Variants in ATP13A1 observed in about 807,000 individuals in gnomAD.
ATP13A1 encodes ATPase 13A1.
A neutral mutation model predicts 134.8 loss-of-function variants in ATP13A1; 55 were observed. The ratio of observed to expected loss-of-function variants is 0.41; its 90% CI spans 0.33 to 0.51. ATP13A1 has a LOEUF of 0.51. ATP13A1 is among the 20% of genes least tolerant of loss of function. ATP13A1 has a pLI of 0.29. For synonymous variants in ATP13A1, 775 were observed against 725.1 expected, an observed-to-expected ratio of 1.07 and a Z score of -1.10; for missense variants, 1,389 against 1,652.8, an observed-to-expected ratio of 0.84 and a Z score of 2.77.
chr19:19,649,491 GGTCT>G lies in ATP13A1; in HGVS notation c.2632+72_2632+75del, dbSNP rs1050887663. The G allele has an allele frequency of 4.7e-5, 69 of 1,478,206 alleles. No individual in the cohort carries two copies. In the African/African-American group the frequency reaches 6.0e-4, roughly 13 times the overall value. 91.6% of individuals were successfully genotyped at this position (1,478,206 alleles called of 1,614,324 possible). ...CCCCCGTGGCTGTCACCAAGGGCCA[GGTCT>G]GTCTTTCTAGCTCAGTGACATGTCC... On this transcript the variant is annotated intron_variant, in intron 19 of 25. Coordinates refer to ENST00000357324, the MANE Select transcript of ATP13A1 (RefSeq NM_020410.3).
Position 19,653,994 on chromosome 19 carries a change from C to A in ATP13A1, c.1964G>T (p.Gly655Val). Reference protein sequence around the residue: ...TDLCYIAAVKGAPETLHSMFS... With the variant: ...TDLCYIAAVKVAPETLHSMFS... ...CATGGAGTGCAGAGTTTCGGGGGCC[C>A]CCTTCACGGCCGCGATGTAGCAGAG... is the stretch of plus-strand genomic sequence containing the variant. Residue 655 changes from glycine to valine, a missense_variant, in exon 14 of 26, where the codon GGG becomes GTG. Physicochemically the swap from Gly to Val is moderately radical, Grantham distance 109. Around this residue, in one of 4 missense-constraint regions of ATP13A1, gnomAD observed 747 missense variants for 956.1 expected, o/e 0.78. Transcript: ENST00000357324. The surrounding 1 kb of genome is among the most constrained non-coding windows in gnomAD (Gnocchi z 4.2). 3 of 1,597,942 alleles carry A rather than the reference C, an allele frequency of 1.9e-6. No homozygotes were observed. Among genetic ancestry groups the A allele is most frequent in the East Asian group, 2.3e-5 (1 of 44,164 alleles).
chr19:19,645,590 G>T lies in ATP13A1; in HGVS notation c.3504+57C>A. Reference sequence around the variant, plus strand: ...ACCTGCAGCCCAGCTCAGGGTCACTGCCATAGGAGGGACCCATCAAGCTGA... The same window carrying T: ...ACCTGCAGCCCAGCTCAGGGTCACTTCCATAGGAGGGACCCATCAAGCTGA... On this transcript the variant is annotated intron_variant, in intron 25 of 25. Coordinates refer to ENST00000357324, the MANE Select transcript of ATP13A1 (RefSeq NM_020410.3). This position sits in a 1 kb window ranked among gnomAD's most constrained non-coding sequence, Gnocchi z 4.1. 2 of 1,561,144 alleles carry T rather than the reference G, an allele frequency of 1.3e-6. No individual in the cohort carries two copies. Among genetic ancestry groups the T allele is most frequent in the East Asian group, 4.8e-5 (2 of 41,668 alleles).
At position 19,656,334 on chromosome 19, in the gene ATP13A1, T is replaced by TCACCCC. The variant is rs2062058035; in HGVS notation, c.1084-157_1084-152dup. ...CCACCCAGCTCCCAGATCCTCACCC[T>TCACCCC]CACCCCGTCCTGTCTTCTCCCCATT... On this transcript the variant is annotated intron_variant, in intron 7 of 25. Transcript: ENST00000357324. This position sits in a 1 kb window ranked among gnomAD's most constrained non-coding sequence, Gnocchi z 4.6. Among the ~76,000 whole-genome samples the TCACCCC allele has an allele frequency of 6.6e-6, 1 of 151,962 alleles. No individual in the cohort carries two copies. The highest frequency in any genetic ancestry group is 6.5e-5 in the Admixed American group (1 of 15,278).
In ATP13A1 at chr19:19,656,823, G is replaced by A; in HGVS notation, c.976+24C>T. ...GGCCCTGAGGCTGGGGCTCCCACTG[G>A]GACTGAGCGGAACCCGGCCTCACCG... On this transcript the variant is annotated intron_variant, in intron 6 of 25. Transcript: ENST00000357324. This position sits in a 1 kb window ranked among gnomAD's most constrained non-coding sequence, Gnocchi z 4.6. The A allele has an allele frequency of 6.2e-7, 1 of 1,612,220 alleles. No individual in the cohort carries two copies.
intron 13 of ATP13A1, among the ~76,000 whole-genome samples, 159 bp from the exon 14 acceptor site, chr19:19,654,303 G>C (rs1187917636): frequency 6.6e-6 from 1 of 152,154 alleles, no homozygotes; most frequent in African/African-American, 2.4e-5. Context: ...TGGAAGACCT[G>C]GGCTTGGAGG....
At chr19:19,648,236 T>C (rs970578944) in intron 19 of ATP13A1, among the ~76,000 whole-genome samples, 4 of 152,040 alleles carry the variant, frequency 2.6e-5, no homozygotes, top group African/African-American at 9.7e-5. Context: ...GGAGAATCGC[T>C]TGAACCCGGG....
chr19:19,653,628 G>C lies in ATP13A1; in HGVS notation c.2100+156C>G, dbSNP rs2145004935. 1.4e-6 allele frequency: 1 copy of C among 708,610 alleles called. No individual in the cohort carries two copies. Among genetic ancestry groups the C allele is most frequent in the Non-Finnish European group, 2.3e-6 (1 of 431,558 alleles). 43.9% of individuals were successfully genotyped at this position (708,610 alleles called of 1,614,324 possible). ...GTCCCCACAGCAGTGGACAGACTGA[G>C]TGCCATTTGGAGTCTCCAAAGGTAG... On this transcript the variant is annotated intron_variant, in intron 15 of 25. Transcript: ENST00000357324. This position sits in a 1 kb window ranked among gnomAD's most constrained non-coding sequence, Gnocchi z 4.2.
Position 19,649,809 on chromosome 19 carries a change from C to T in ATP13A1, c.2467G>A (p.Asp823Asn), listed in dbSNP as rs138104866. ...ATGAGGCGGAGCAGCTGCTGGGGGT[C>T]GGTGGCCTGCAGGTGGGCCAAGCCG... ...GDGLAHLQAT[D>N]PQQLLRLIPH... Residue 823 changes from aspartate (D) to asparagine (N), a missense_variant, in exon 18 of 26, where the codon GAC (aspartate) becomes AAC (asparagine). This residue lies in a region of ATP13A1 where 747 missense variants were observed against 956.1 expected (regional missense o/e 0.78). Coordinates refer to ENST00000357324, the MANE Select transcript of ATP13A1 (RefSeq NM_020410.3). The T allele has an allele frequency of 9.6e-5, 153 of 1,601,760 alleles. No homozygotes were observed. The highest frequency in any genetic ancestry group is 3.7e-4 in the African/African-American group (28 of 74,906).
intron 17 of ATP13A1, chr19:19,650,472 G>T (rs1377660331): frequency 6.2e-6 from 1 of 161,890 alleles, no homozygotes; most frequent in African/African-American, 2.4e-5. Flanking sequence ...GATGGCCAAG[G>T]GCGGCCCGCC....
At position 19,649,633 on chromosome 19, in the gene ATP13A1, C is replaced by T. The variant is rs767460885; in HGVS notation, c.2566G>A (p.Gly856Ser). 6.2e-6 allele frequency: 10 copies of T among 1,613,854 alleles called. No homozygotes were observed. In the Admixed American group the frequency reaches 1.0e-4, roughly 16 times the overall value. ...TCCCCACACATGAGGGTCACGTAGC[C>T]CAGCTCCTTCAGGCTGGTGATGACA... The part of the protein sequence containing the change: ...EFVITSLKEL[G>S]YVTLMCGDGT... Residue 856 changes from glycine to serine, a missense_variant, in exon 19 of 26, where the codon GGC (glycine) becomes AGC (serine). Physicochemically the swap from Gly to Ser is moderately conservative, Grantham distance 56. Around this residue, in one of 4 missense-constraint regions of ATP13A1, gnomAD observed 747 missense variants for 956.1 expected, o/e 0.78. Coordinates refer to ENST00000357324, the MANE Select transcript of ATP13A1 (RefSeq NM_020410.3).
chr19:19,655,896 G>A lies in ATP13A1; in HGVS notation c.1251C>T (p.Thr417=), dbSNP rs142039002. The change falls in exon 9 of 26, where the codon ACC becomes ACT. Residue 417 remains threonine (T), a synonymous_variant. Coordinates refer to ENST00000357324, the MANE Select transcript of ATP13A1 (RefSeq NM_020410.3). The surrounding 1 kb of genome is among the most constrained non-coding windows in gnomAD (Gnocchi z 5.7). ...DSGCVAYVLR[T]GFNTSQGKLL... is the part of the protein sequence containing the mutation. Reference sequence around the variant, plus strand: ...CCCGCACCTGGGATGTGTTGAATCCGGTCCGCAGGACGTAGGCCACGCACC... The same window carrying A: ...CCCGCACCTGGGATGTGTTGAATCCAGTCCGCAGGACGTAGGCCACGCACC... 6.7e-5 allele frequency: 107 copies of A among 1,593,110 alleles called. 3 individuals are homozygous for A. In the Middle Eastern group the frequency reaches 6.9e-3, roughly 103 times the overall value.
chr19:19,645,580 C>T lies in ATP13A1; in HGVS notation c.3505-48G>A. On this transcript the variant is annotated intron_variant, in intron 25 of 25. Coordinates refer to ENST00000357324, the MANE Select transcript of ATP13A1 (RefSeq NM_020410.3). The surrounding 1 kb of genome is among the most constrained non-coding windows in gnomAD (Gnocchi z 4.1). ...TGAGCTGGAGACCTGCAGCCCAGCT[C>T]AGGGTCACTGCCATAGGAGGGACCC... The T allele has an allele frequency of 1.3e-6, 2 of 1,563,676 alleles. No homozygotes were observed. Among genetic ancestry groups the T allele is most frequent in the Non-Finnish European group, 1.7e-6 (2 of 1,154,160 alleles).
rs577200753 is a variant in ATP13A1 at position 19,656,714 on chromosome 19, G to A, written c.1029C>T (p.Gly343=). ...GCATGGCCTCGTCTACGATGCAGCG[G>A]CCTCGCAGCAGAAGCACGTCACATG... The part of the protein sequence containing the change: ...LVPCDVLLLR[G]RCIVDEAMLT... The change falls in exon 7 of 26, where the codon GGC becomes GGT. Residue 343 remains glycine, a synonymous_variant. Coordinates refer to ENST00000357324, the MANE Select transcript of ATP13A1 (RefSeq NM_020410.3). The surrounding 1 kb of genome is among the most constrained non-coding windows in gnomAD (Gnocchi z 4.6). The A allele has an allele frequency of 5.3e-5, 86 of 1,613,786 alleles. 1 individual carries two copies. The South Asian group carries it at 9.0e-4, about 17-fold the overall frequency.
At position 19,656,671 on chromosome 19, in the gene ATP13A1, G is replaced by C. The variant is rs1218275041; in HGVS notation, c.1072C>G (p.Pro358Ala). 7 of 1,613,458 alleles carry C rather than the reference G, an allele frequency of 4.3e-6. No individual in the cohort carries two copies. Among genetic ancestry groups the C allele is most frequent in the Non-Finnish European group, 5.9e-6 (7 of 1,179,702 alleles). Residue 358 changes from proline (P) to alanine (A), a missense_variant, in exon 7 of 26, where the codon CCA (proline) becomes GCA (alanine). This residue lies in a region of ATP13A1 where 747 missense variants were observed against 956.1 expected (regional missense o/e 0.78). Transcript: ENST00000357324. The surrounding 1 kb of genome is among the most constrained non-coding windows in gnomAD (Gnocchi z 4.6). ...CCTCCACCAAGTACCTTCATCTGTG[G>C]CACGGACTCCCCCGTGAGCATGGCC... is the stretch of plus-strand genomic sequence containing the variant. Reference protein sequence around the residue: ...DEAMLTGESVPQMKEPIEDLS... With the variant: ...DEAMLTGESVAQMKEPIEDLS...
Position 19,649,851 on chromosome 19 carries a change from G to A in ATP13A1, c.2425C>T (p.Leu809=). The change falls in exon 18 of 26, where the codon CTG becomes TTG. Residue 809 remains leucine (L), a synonymous_variant. Coordinates refer to ENST00000357324, the MANE Select transcript of ATP13A1 (RefSeq NM_020410.3). ...SPKALALEYA[L]CLTGDGLAHL... is the part of the protein sequence containing the mutation. ...GCCAAGCCGTCGCCTGTGAGGCACAGTGCGTACTCCAGGGCCAGTGCCTTT... is the reference window on the plus strand; with the variant it reads ...GCCAAGCCGTCGCCTGTGAGGCACAATGCGTACTCCAGGGCCAGTGCCTTT... 1 of 1,604,226 alleles carries A rather than the reference G, an allele frequency of 6.2e-7. No individual in the cohort carries two copies. Among genetic ancestry groups the A allele is most frequent in the Non-Finnish European group, 8.5e-7 (1 of 1,179,548 alleles).
Position 19,653,790 on chromosome 19 carries a change from G to C in ATP13A1, c.2094C>G (p.His698Gln). 1 of 1,551,314 alleles carries C rather than the reference G, an allele frequency of 6.4e-7. No individual in the cohort carries two copies. The highest frequency in any genetic ancestry group is 8.7e-7 in the Non-Finnish European group (1 of 1,146,832). Reference protein sequence around the residue: ...LGYKELGHLTHQQAREVKREA... With the variant: ...LGYKELGHLTQQQAREVKREA... Reference sequence around the variant, plus strand: ...GGGGAGCCTGGGCCCGTACCTGCTGGTGAGTGAGGTGTCCCAGCTCCTTGT... The same window carrying C: ...GGGGAGCCTGGGCCCGTACCTGCTGCTGAGTGAGGTGTCCCAGCTCCTTGT... The change falls in exon 15 of 26, where the codon CAC becomes CAG. Residue 698 changes from histidine to glutamine, a missense_variant. This residue lies in a region of ATP13A1 where 747 missense variants were observed against 956.1 expected (regional missense o/e 0.78). Transcript: ENST00000357324. This position sits in a 1 kb window ranked among gnomAD's most constrained non-coding sequence, Gnocchi z 4.2.
In ATP13A1 at chr19:19,653,799, G is replaced by T. The variant is rs767148427; in HGVS notation, c.2085C>A (p.His695Gln). ...GGGCCCGTACCTGCTGGTGAGTGAGGTGTCCCAGCTCCTTGTACCCCAGCG... is the reference window on the plus strand; with the variant it reads ...GGGCCCGTACCTGCTGGTGAGTGAGTTGTCCCAGCTCCTTGTACCCCAGCG... Reference protein sequence around the residue: ...VLALGYKELGHLTHQQAREVK... With the variant: ...VLALGYKELGQLTHQQAREVK... The change falls in exon 15 of 26, where the codon CAC (histidine) becomes CAA (glutamine). Residue 695 changes from histidine to glutamine, a missense_variant. Transcript: ENST00000357324. This position sits in a 1 kb window ranked among gnomAD's most constrained non-coding sequence, Gnocchi z 4.2. 1.3e-6 allele frequency: 2 copies of T among 1,552,742 alleles called. No homozygotes were observed. Among genetic ancestry groups the T allele is most frequent in the Non-Finnish European group, 8.7e-7 (1 of 1,147,812 alleles).
Position 19,655,127 on chromosome 19 carries a change from G to C in ATP13A1, c.1647C>G (p.Ala549=). The stretch of plus-strand genomic sequence containing the variant: ...GGGCCCCTGATGCTTACCTCAGCCC[G>C]GCCACACCGCGCACCACCAGGCTGT... The part of the protein sequence containing the change: ...TSDSLVVRGV[A]GLRDGKEVTP... The change falls in exon 12 of 26, where the codon GCC becomes GCG. Residue 549 remains alanine (A), a synonymous_variant. Coordinates refer to ENST00000357324, the MANE Select transcript of ATP13A1 (RefSeq NM_020410.3). This position sits in a 1 kb window ranked among gnomAD's most constrained non-coding sequence, Gnocchi z 5.7. 1 of 1,613,806 alleles carries C rather than the reference G, an allele frequency of 6.2e-7. No homozygotes were observed.
intron 13 of ATP13A1, 37 bp downstream of exon 13, chr19:19,654,506 G>C: frequency 6.4e-7 from 1 of 1,564,814 alleles, no homozygotes; most frequent in South Asian, 1.2e-5. Context: ...AGAGCCAGTG[G>C]CTCCCCCTTG....
Sources: gnomAD v4.1 joint callset for allele counts (sites outside exome capture counted in the v4.1 genomes callset) on GRCh38, gnomAD v4.1.1 for gene constraint, gnomAD v4.1.1 regional missense constraint, Gnocchi (gnomAD v3.1) non-coding constraint, MANE v1.5 for transcripts, NCBI Gene and HGNC (gene_info 2026-07-23, HGNC 2026-07-21) for gene names.